SGMS2: variants seen among roughly 807,000 people sequenced by gnomAD.
The protein encoded by SGMS2 is phosphatidylcholine:ceramide cholinephosphotransferase 2.
Under a neutral mutation model 43.8 loss-of-function variants are expected in SGMS2, and 21 were observed. That is an observed-to-expected ratio of 0.48 (90% confidence interval 0.34 to 0.69). The LOEUF is 0.69. Among genes scored for constraint, SGMS2 ranks in the 30% least tolerant of loss-of-function variants. The probability of loss-of-function intolerance (pLI) is 0.01; values close to 1 mark genes in which losing one functional copy is unlikely to be tolerated. For missense variants in SGMS2, 384 were observed against 443.2 expected, an observed-to-expected ratio of 0.87 and a Z score of 1.20; for synonymous variants, 167 against 160.6, an observed-to-expected ratio of 1.04 and a Z score of -0.30.
chr4:107,858,259 G>A (rs11945209), intron 1 of SGMS2, among the ~76,000 whole-genome samples: 1,611 of 152,226 alleles, frequency 0.011, 22 homozygotes, highest in African/African-American at 0.037. Context: ...AAATATTAGT[G>A]GAGTGAATGG....
At chr4:107,880,226 A>G (rs770420778) in intron 2 of SGMS2, among the ~76,000 whole-genome samples, 20 of 152,206 alleles carry the variant, frequency 1.3e-4, no homozygotes, top group Non-Finnish European at 1.9e-4. Context: ...GATACCATCA[A>G]GCTTTCCCAT....
chr4:107,872,538 T>G (rs1307693897), intron 2 of SGMS2, among the ~76,000 whole-genome samples: 1 of 152,102 alleles, frequency 6.6e-6, no homozygotes, highest in East Asian at 1.9e-4. Context: ...AGCATAGTAT[T>G]GTGCACCTGT....
Position 107,913,062 on chromosome 4 carries a change from A to G in SGMS2, c.*2509A>G, listed in dbSNP as rs1732227112. 6.6e-6 allele frequency: 1 copy of G among 152,210 alleles called. No individual in the cohort carries two copies. Among genetic ancestry groups the G allele is most frequent in the Non-Finnish European group, 1.5e-5 (1 of 68,034 alleles). The allele number at this position is 152,210 out of a possible 1,614,324, so 9.4% of individuals were successfully genotyped here. A position where few individuals can be genotyped will look rare whatever the true frequency, so the allele number is the denominator to read the frequency against. Reference sequence around the variant, plus strand: ...TATATATATAAACTGAAGATATAAAACAAGTATGATCTTGCCTTTGAAATC... The same window carrying G: ...TATATATATAAACTGAAGATATAAAGCAAGTATGATCTTGCCTTTGAAATC... On this transcript the variant is annotated 3_prime_UTR_variant, in exon 7 of 7. Coordinates refer to ENST00000690982, the MANE Select transcript of SGMS2 (RefSeq NM_001375905.1).
intron 2 of SGMS2, among the ~76,000 whole-genome samples, chr4:107,890,707 G>A (rs987763124): frequency 6.6e-6 from 1 of 151,514 alleles, no homozygotes; most frequent in African/African-American, 2.4e-5. Context: ...GGTCCTGGGG[G>A]AGAAAAAAGG....
chr4:107,882,724 T>TA (rs1729458913), intron 2 of SGMS2, among the ~76,000 whole-genome samples: 1 of 152,184 alleles, frequency 6.6e-6, no homozygotes, highest in Non-Finnish European at 1.5e-5. Context: ...TTGATTTTTT[T>TA]AATGGCTTTA....
chr4:107,887,538 T>A (rs1049009962), intron 2 of SGMS2, among the ~76,000 whole-genome samples: 1 of 152,198 alleles, frequency 6.6e-6, no homozygotes. Flanking sequence ...TTCTGCATAA[T>A]TTTTATACCA....
intron 1 of SGMS2, among the ~76,000 whole-genome samples, chr4:107,857,531 GATAT>G (rs112123351): frequency 0.032 from 4,662 of 144,866 alleles, 228 homozygotes; most frequent in African/African-American, 0.11. Context: ...GTAGTTAAAA[GATAT>G]ATATATATAT....
intron 6 of SGMS2, 127 bp downstream of exon 6, chr4:107,908,858 C>T: frequency 2.8e-6 from 2 of 723,120 alleles, no homozygotes; most frequent in South Asian, 2.3e-5. Flanking sequence ...AACATATATC[C>T]ATTACTGCTT....
chr4:107,832,128 A>G (rs1034798734), intron 1 of SGMS2, among the ~76,000 whole-genome samples: 1 of 152,184 alleles, frequency 6.6e-6, no homozygotes, highest in African/African-American at 2.4e-5. Context: ...CGAGTTGTTG[A>G]ACCACCCAGT....
intron 1 of SGMS2, among the ~76,000 whole-genome samples, chr4:107,829,837 C>T (rs879442400): frequency 2.1e-5 from 3 of 144,782 alleles, no homozygotes; most frequent in Non-Finnish European, 4.5e-5. Context: ...AGCCTTCCAA[C>T]GTGGTGAATA....
chr4:107,889,567 A>G (rs1196996076), intron 2 of SGMS2, among the ~76,000 whole-genome samples: 2 of 152,180 alleles, frequency 1.3e-5, no homozygotes, highest in Admixed American at 6.6e-5. Flanking sequence ...GCTTTTTAAT[A>G]TATTTTCAGT....
intron 2 of SGMS2, among the ~76,000 whole-genome samples, chr4:107,870,081 T>C (rs1417246765): frequency 6.6e-6 from 1 of 152,244 alleles, no homozygotes; most frequent in African/African-American, 2.4e-5. Flanking sequence ...CTCAATACTT[T>C]TACGTTGTAC....
intron 2 of SGMS2, among the ~76,000 whole-genome samples, chr4:107,872,519 T>C (rs907284580): frequency 6.6e-6 from 1 of 152,102 alleles, no homozygotes; most frequent in East Asian, 1.9e-4. Flanking sequence ...TAAATAATTA[T>C]CTTAGCCAAG....
chr4:107,844,055 G>T (rs1726669552), intron 1 of SGMS2, among the ~76,000 whole-genome samples: 1 of 152,112 alleles, frequency 6.6e-6, no homozygotes, highest in African/African-American at 2.4e-5. Context: ...AGGCACGGTG[G>T]CTCACGCCTA....
At chr4:107,873,519 AT>A (rs1290345460) in intron 2 of SGMS2, 2 of 152,084 alleles carry the variant, frequency 1.3e-5, no homozygotes, top group Non-Finnish European at 2.9e-5. Context: ...AAAGACGAGC[AT>A]CAAGGCCCCA....
At chr4:107,883,153 C>T (rs571199936) in intron 2 of SGMS2, among the ~76,000 whole-genome samples, 2 of 152,252 alleles carry the variant, frequency 1.3e-5, no homozygotes, top group South Asian at 2.1e-4. Flanking sequence ...CTGCAGCTGC[C>T]GTCAATGAGC....
At chr4:107,840,339 G>C (rs1237018936) in intron 1 of SGMS2, among the ~76,000 whole-genome samples, 2 of 152,136 alleles carry the variant, frequency 1.3e-5, no homozygotes, top group African/African-American at 4.8e-5. Flanking sequence ...ACTGGGCGAG[G>C]GCTGTTTTTG....
chr4:107,853,217 ATG>A, intron 1 of SGMS2, among the ~76,000 whole-genome samples: 1 of 152,312 alleles, frequency 6.6e-6, no homozygotes, highest in East Asian at 1.9e-4. Context: ...AGCAGAGCTT[ATG>A]AGACAGAACT....
At chr4:107,886,266 CA>C (rs1729743313) in intron 2 of SGMS2, among the ~76,000 whole-genome samples, 1 of 151,274 alleles carries the variant, frequency 6.6e-6, no homozygotes, top group Non-Finnish European at 1.5e-5. Flanking sequence ...GTGGTGTGAT[CA>C]CTGCTCACTG....
Sources: allele counts gnomAD v4.1 joint callset (sites outside exome capture counted in the v4.1 genomes callset), GRCh38; gene constraint gnomAD v4.1.1; transcripts MANE v1.5; gene names NCBI Gene and HGNC (gene_info 2026-07-23, HGNC 2026-07-21).